TDRP: variants seen among roughly 807,000 people sequenced by gnomAD.
TDRP encodes testis development related protein.
A neutral mutation model predicts 10.5 loss-of-function variants in TDRP; 12 were observed. The ratio of observed to expected loss-of-function variants is 1.15; its 90% CI spans 0.73 to 1.86. The LOEUF is 1.86. Ranked by LOEUF, TDRP falls within the 40% of genes most tolerant of loss-of-function variation. TDRP has a pLI of 0.00. For missense variants in TDRP, 353 were observed against 229.2 expected (o/e 1.54, Z -3.49); for synonymous variants, 139 against 95.4 (o/e 1.46, Z -2.67).
At chr8:526,469 A>G (rs2116839868) in intron 1 of TDRP, among the ~76,000 whole-genome samples, 1 of 152,318 alleles carries the variant, frequency 6.6e-6, no homozygotes, top group East Asian at 1.9e-4. Flanking sequence ...AATCGAAATT[A>G]TCATATGGGT....
rs1353195033 is a variant in TDRP, at chr8:544,808, G to A, written c.-51C>T. ...CGTCCGTGCGTCGGGCTGTGGCTCC[G>A]CGTCCCTCCCGGCCGCCGGACGCTC... On this transcript the variant is annotated 5_prime_UTR_variant, in exon 1 of 3. Transcript: ENST00000324079. 5 of 1,185,358 alleles carry A rather than the reference G, an allele frequency of 4.2e-6. No homozygotes were observed. Among genetic ancestry groups the A allele is most frequent in the Admixed American group, 4.3e-5 (1 of 23,242 alleles). The allele number at this position is 1,185,358 out of a possible 1,614,324, so 73.4% of individuals were successfully genotyped here.
At chr8:497,374 C>A (rs1164897449) in intron 1 of TDRP, among the ~76,000 whole-genome samples, 6 of 152,152 alleles carry the variant, frequency 3.9e-5, no homozygotes, top group Non-Finnish European at 8.8e-5. Flanking sequence ...GGCATTTTGC[C>A]CCTGCCCAAG....
chr8:541,053 T>C (rs569265258), intron 1 of TDRP, among the ~76,000 whole-genome samples: 2 of 152,334 alleles, frequency 1.3e-5, no homozygotes, highest in South Asian at 2.1e-4. Context: ...TATTAATTCC[T>C]ACTTCTCTCA....
chr8:536,935 G>A (rs1262303344), intron 1 of TDRP, among the ~76,000 whole-genome samples: 1 of 152,088 alleles, frequency 6.6e-6, no homozygotes, highest in African/African-American at 2.4e-5. Context: ...TGCTTCTGCT[G>A]ACTGAGTATC....
chr8:501,297 G>C (rs1032710901), intron 1 of TDRP, among the ~76,000 whole-genome samples: 5 of 152,108 alleles, frequency 3.3e-5, no homozygotes, highest in Non-Finnish European at 7.4e-5. Context: ...TCAGTCCAGA[G>C]TCCATGTAAT....
intron 1 of TDRP, among the ~76,000 whole-genome samples, chr8:520,792 T>C (rs529677406): frequency 9.2e-5 from 14 of 152,342 alleles, no homozygotes; most frequent in African/African-American, 3.4e-4. Flanking sequence ...AATCAGGTTT[T>C]TTGTTGTTGT....
intron 1 of TDRP, among the ~76,000 whole-genome samples, chr8:501,192 T>C (rs7817807): frequency 0.26 from 38,517 of 150,498 alleles, 4,888 homozygotes; most frequent in East Asian, 0.27. Context: ...GGCGACAGAG[T>C]GAGACTCCAT....
chr8:502,386 A>C (rs899850433), intron 1 of TDRP, among the ~76,000 whole-genome samples: 3 of 152,224 alleles, frequency 2.0e-5, no homozygotes, highest in Non-Finnish European at 4.4e-5. Flanking sequence ...AGCCGTGTTC[A>C]CCAAATTGCA....
At chr8:532,299 T>A (rs1802225379) in intron 1 of TDRP, among the ~76,000 whole-genome samples, 1 of 152,184 alleles carries the variant, frequency 6.6e-6, no homozygotes, top group South Asian at 2.1e-4. Context: ...TCAGGCTGTG[T>A]GGCAGCCATG....
chr8:493,563 A>G (rs895562677), intron 2 of TDRP, among the ~76,000 whole-genome samples: 2 of 152,268 alleles, frequency 1.3e-5, no homozygotes, highest in Non-Finnish European at 2.9e-5. Flanking sequence ...CTCATCTTCT[A>G]ATCAAACAGC....
Position 491,546 on chromosome 8 carries a change from T to C in TDRP, c.*853A>G, listed in dbSNP as rs1800973515. On this transcript the variant is annotated 3_prime_UTR_variant, in exon 3 of 3. Transcript: ENST00000324079. ...GCATCTCGCTTTGCAAGAACAAACA[T>C]ATGAGCCTAATAAAAAAGAGGCACT... 5 of 1,428,454 alleles carry C rather than the reference T, an allele frequency of 3.5e-6. No homozygotes were observed. The highest frequency in any genetic ancestry group is 4.9e-5 in the Admixed American group (2 of 40,560). 88.5% of individuals were successfully genotyped at this position (1,428,454 alleles called of 1,614,324 possible). A position where few individuals can be genotyped will look rare whatever the true frequency, so the allele number is the denominator to read the frequency against.
chr8:504,450 G>A (rs966053348), intron 1 of TDRP, among the ~76,000 whole-genome samples: 1 of 152,118 alleles, frequency 6.6e-6, no homozygotes, highest in African/African-American at 2.4e-5. Context: ...GAGCAGTCCA[G>A]GAGCCCCTAA....
chr8:514,007 G>C (rs1597136), intron 1 of TDRP, among the ~76,000 whole-genome samples: 17,722 of 146,962 alleles, frequency 0.12, 1,252 homozygotes, highest in African/African-American at 0.21. Context: ...ACATTATTAA[G>C]ATGGCAATAC....
chr8:509,006 C>T (rs955067360), intron 1 of TDRP, among the ~76,000 whole-genome samples: 1 of 152,254 alleles, frequency 6.6e-6, no homozygotes, highest in Non-Finnish European at 1.5e-5. Context: ...GCACTCATCA[C>T]ATCTTAAAGC....
chr8:511,599 G>C (rs1329069199), intron 1 of TDRP, among the ~76,000 whole-genome samples: 2 of 152,154 alleles, frequency 1.3e-5, no homozygotes, highest in Admixed American at 1.3e-4. Flanking sequence ...AAACTAATAA[G>C]ACCTAACAGA....
chr8:518,847 A>T (rs1438475594), intron 1 of TDRP, among the ~76,000 whole-genome samples: 4 of 152,234 alleles, frequency 2.6e-5, no homozygotes, highest in African/African-American at 7.2e-5. Context: ...TAACAAATCA[A>T]ATACTGGAGT....
chr8:495,890 G>A (rs1313851953), intron 1 of TDRP, among the ~76,000 whole-genome samples: 2 of 152,138 alleles, frequency 1.3e-5, no homozygotes, highest in East Asian at 1.9e-4. Flanking sequence ...ACTAACCAGG[G>A]ACTAAGGGGT....
chr8:495,621 T>C (rs947757159), intron 1 of TDRP, among the ~76,000 whole-genome samples: 1 of 152,200 alleles, frequency 6.6e-6, no homozygotes, highest in Non-Finnish European at 1.5e-5. Flanking sequence ...CATCATCACA[T>C]TGCTAGGGCT....
chr8:521,255 A>C (rs1257748730), intron 1 of TDRP, among the ~76,000 whole-genome samples: 3 of 149,686 alleles, frequency 2.0e-5, no homozygotes, highest in Non-Finnish European at 3.0e-5. Flanking sequence ...CCAAAAAAAA[A>C]AAAAAAAAAA....
Sources: gnomAD v4.1 joint callset for allele counts (sites outside exome capture counted in the v4.1 genomes callset) on GRCh38, gnomAD v4.1.1 for gene constraint, MANE v1.5 for transcripts, NCBI Gene and HGNC (gene_info 2026-07-23, HGNC 2026-07-21) for gene names.